TBX4: variants seen among roughly 807,000 people sequenced by gnomAD.
TBX4 encodes T-box transcription factor 4, also known as T-box transcription factor TBX4.
In TBX4, 13 loss-of-function variants were observed where a neutral mutation model predicts 54.6. That is an observed-to-expected ratio of 0.24 (90% CI 0.15 to 0.38). TBX4 has a LOEUF of 0.38. Ranked by LOEUF, TBX4 falls within the 10% of genes least tolerant of loss-of-function variation. The probability of loss-of-function intolerance (pLI) is 1.00; values close to 1 mark genes in which losing one functional copy is unlikely to be tolerated. For missense variants in TBX4, 631 were observed against 728.5 expected (o/e 0.87, Z 1.54); for synonymous variants, 314 against 306.7 (o/e 1.02, Z -0.25).
At chr17:61,466,411 C>T (rs1433712133) in intron 4 of TBX4, among the ~76,000 whole-genome samples, 3 of 152,192 alleles carry the variant, frequency 2.0e-5, no homozygotes, top group African/African-American at 7.2e-5. Flanking sequence ...CTCCAGCCAT[C>T]CAGACGAAGT....
chr17:61,478,815 T>A lies in TBX4; in HGVS notation c.702+36T>A, dbSNP rs372258409. On this transcript the variant is annotated intron_variant, in intron 6 of 8. Coordinates refer to ENST00000644296, the MANE Select transcript of TBX4 (RefSeq NM_001321120.2). The surrounding 1 kb of genome is among the most constrained non-coding windows in gnomAD (Gnocchi z 7.4). ...TGCCCCACTGCCCCACAGCCCCACT[T>A]AACACCACCCTGCGTTCTCTTCCAC... is the stretch of plus-strand genomic sequence containing the variant. 2 of 1,613,784 alleles carry A rather than the reference T, an allele frequency of 1.2e-6. No individual in the cohort carries two copies. The highest frequency in any genetic ancestry group is 2.7e-5 in the African/African-American group (2 of 74,842).
chr17:61,470,366 C>A (rs918021614), intron 5 of TBX4, among the ~76,000 whole-genome samples: 4 of 152,216 alleles, frequency 2.6e-5, no homozygotes, highest in Non-Finnish European at 4.4e-5. Flanking sequence ...TTCCTTTCTT[C>A]CATGAATGCT....
rs543614478 is a variant in TBX4 at position 61,475,079 on chromosome 17, A to G, written c.550-3548A>G. On this transcript the variant is annotated intron_variant, in intron 5 of 8. Transcript: ENST00000644296. The surrounding 1 kb of genome is among the most constrained non-coding windows in gnomAD (Gnocchi z 5.0). ...CGTCTGCACCCTTCTTGACTTCTCT[A>G]TGACCGGGGTTACCCTCACCTAGTG... Among the ~76,000 whole-genome samples, 120 of 152,322 alleles carry G rather than the reference A, an allele frequency of 7.9e-4. 1 individual carries two copies. The highest frequency in any genetic ancestry group is 2.8e-3 in the African/African-American group (117 of 41,570).
intron 1 of TBX4, among the ~76,000 whole-genome samples, chr17:61,454,861 C>G (rs1357122928): frequency 6.6e-6 from 1 of 152,256 alleles, no homozygotes; most frequent in African/African-American, 2.4e-5. Context: ...CCTTGCGACC[C>G]CGCAGGCCGC....
intron 5 of TBX4, among the ~76,000 whole-genome samples, chr17:61,470,876 C>G (rs2060572323): frequency 6.6e-6 from 1 of 152,234 alleles, no homozygotes; most frequent in African/African-American, 2.4e-5. Context: ...TTCCTCTTCT[C>G]CTCTTCTGAA....
Position 61,465,762 on chromosome 17 carries a change from T to A in TBX4, c.282-57T>A. 1 of 1,610,624 alleles carries A rather than the reference T, an allele frequency of 6.2e-7. No homozygotes were observed. Among genetic ancestry groups the A allele is most frequent in the Non-Finnish European group, 8.5e-7 (1 of 1,177,970 alleles). On this transcript the variant is annotated intron_variant, in intron 3 of 8. Transcript: ENST00000644296. The surrounding 1 kb of genome is among the most constrained non-coding windows in gnomAD (Gnocchi z 4.9). Reference sequence around the variant, plus strand: ...GCCTTCTGCCCCCTTGCTCACTCTGTTCCATCTCTCCTGGTGCTCTGTCCA... The same window carrying A: ...GCCTTCTGCCCCCTTGCTCACTCTGATCCATCTCTCCTGGTGCTCTGTCCA...
At chr17:61,468,535 T>TA (rs1460970683) in intron 5 of TBX4, among the ~76,000 whole-genome samples, 4 of 152,212 alleles carry the variant, frequency 2.6e-5, no homozygotes, top group African/African-American at 4.8e-5. Flanking sequence ...GTCCCGCTTT[T>TA]ACGTCCCAGC....
Position 61,483,787 on chromosome 17 carries a change from A to G in TBX4, c.*271A>G. ...GGACCTGGGTCTATTGTTATCTGAC[A>G]TCTCTTGACATGCCCGTGGGTGGGA... On this transcript the variant is annotated 3_prime_UTR_variant, in exon 9 of 9. Transcript: ENST00000644296. The surrounding 1 kb of genome is among the most constrained non-coding windows in gnomAD (Gnocchi z 6.6). The G allele has an allele frequency of 2.1e-6, 1 of 468,222 alleles. No homozygotes were observed. Among genetic ancestry groups the G allele is most frequent in the Non-Finnish European group, 4.0e-6 (1 of 252,876 alleles). 29.0% of individuals were successfully genotyped at this position (468,222 alleles called of 1,614,324 possible).
chr17:61,477,994 G>T (rs2060634304), intron 5 of TBX4, among the ~76,000 whole-genome samples: 1 of 147,946 alleles, frequency 6.8e-6, no homozygotes, highest in Non-Finnish European at 1.5e-5. Flanking sequence ...GGAAAGAAAA[G>T]AAATGCATGA....
At position 61,472,049 on chromosome 17, in the gene TBX4, T is replaced by A. The variant is rs919851477; in HGVS notation, c.549+4392T>A. On this transcript the variant is annotated intron_variant, in intron 5 of 8. Transcript: ENST00000644296. This position sits in a 1 kb window ranked among gnomAD's most constrained non-coding sequence, Gnocchi z 4.5. ...TGTGCCACCGCGCCCGGCCTGCAGC[T>A]GCATAGAATTTTATCAAAATGATTG... is the stretch of plus-strand genomic sequence containing the variant. Among the ~76,000 whole-genome samples the A allele has an allele frequency of 1.3e-5, 2 of 152,136 alleles. No homozygotes were observed. Among genetic ancestry groups the A allele is most frequent in the Non-Finnish European group, 2.9e-5 (2 of 68,022 alleles).
chr17:61,478,647 C>T lies in TBX4; in HGVS notation c.570C>T (p.His190=), dbSNP rs915473911. 5.0e-6 allele frequency: 8 copies of T among 1,614,118 alleles called. No homozygotes were observed. The African/African-American group carries it at 1.1e-4, about 22-fold the overall frequency. Residue 190 remains histidine (H), a synonymous_variant, in exon 6 of 9, where the codon CAC becomes CAT. Transcript: ENST00000644296. The surrounding 1 kb of genome is among the most constrained non-coding windows in gnomAD (Gnocchi z 7.4). ...TCCAGATCATCCTCAACTCTATGCA[C>T]AAGTACCAGCCGCGGCTCCACATCG... is the stretch of plus-strand genomic sequence containing the variant. ...PFGHIILNSM[H]KYQPRLHIVK...
intron 5 of TBX4, among the ~76,000 whole-genome samples, chr17:61,477,312 G>A (rs1158907124): frequency 2.0e-5 from 3 of 152,252 alleles, no homozygotes; most frequent in African/African-American, 4.8e-5. Context: ...AGCTGCTACC[G>A]TGGGGCGCAG....
At position 61,475,749 on chromosome 17, in the gene TBX4, T is replaced by A. The variant is rs900399127; in HGVS notation, c.550-2878T>A. Among the ~76,000 whole-genome samples, 1 of 152,114 alleles carries A rather than the reference T, an allele frequency of 6.6e-6. No homozygotes were observed. The highest frequency in any genetic ancestry group is 2.4e-5 in the African/African-American group (1 of 41,392). On this transcript the variant is annotated intron_variant, in intron 5 of 8. Coordinates refer to ENST00000644296, the MANE Select transcript of TBX4 (RefSeq NM_001321120.2). The surrounding 1 kb of genome is among the most constrained non-coding windows in gnomAD (Gnocchi z 5.0). ...ATGTGTCCTAGTGTCCTGCACAGCC[T>A]TCATGAGGTGCTGGTGCCTATGGCT...
In TBX4 at chr17:61,480,378, G is replaced by A. The variant is rs2060655461; in HGVS notation, c.1021+59G>A. ...TAAGAGGAGCGGTGAGGTTCTCCCC[G>A]AAACCACTCTGCAGCGCCCCCCCCC... is the stretch of plus-strand genomic sequence containing the variant. On this transcript the variant is annotated intron_variant, in intron 8 of 8. Coordinates refer to ENST00000644296, the MANE Select transcript of TBX4 (RefSeq NM_001321120.2). The surrounding 1 kb of genome is among the most constrained non-coding windows in gnomAD (Gnocchi z 6.2). 5.9e-6 allele frequency: 8 copies of A among 1,364,442 alleles called. No individual in the cohort carries two copies. The highest frequency in any genetic ancestry group is 3.9e-5 in the Admixed American group (2 of 50,988). The allele number at this position is 1,364,442 out of a possible 1,614,324, so 84.5% of individuals were successfully genotyped here.
intron 5 of TBX4, 124 bp downstream of exon 5, chr17:61,467,781 A>C: frequency 7.8e-7 from 1 of 1,280,206 alleles, no homozygotes; most frequent in Non-Finnish European, 1.1e-6. Flanking sequence ...GCGCTCACTG[A>C]CCAGTTTAGG....
Position 61,484,947 on chromosome 17 carries a change from T to TAAATAA in TBX4, c.*1432_*1433insAATAAA, listed in dbSNP as rs988029815. 6 of 37,086 alleles carry TAAATAA rather than the reference T, an allele frequency of 1.6e-4. No homozygotes were observed. The highest frequency in any genetic ancestry group is 6.3e-4 in the African/African-American group (6 of 9,594). The allele number at this position is 37,086 out of a possible 1,614,324, so 2.3% of individuals were successfully genotyped here. A position where few individuals can be genotyped will look rare whatever the true frequency, so the allele number is the denominator to read the frequency against. The stretch of plus-strand genomic sequence containing the variant: ...GGTTTAGATAAAACATATAAATAAA[T>TAAATAA]ATATATATATATATATATATATATA... On this transcript the variant is annotated 3_prime_UTR_variant, in exon 9 of 9. Transcript: ENST00000644296. This position sits in a 1 kb window ranked among gnomAD's most constrained non-coding sequence, Gnocchi z 4.1.
chr17:61,456,358 G>T (rs749406551), intron 1 of TBX4, 130 bp from the exon 2 acceptor site: 8 of 1,255,988 alleles, frequency 6.4e-6, no homozygotes, highest in Non-Finnish European at 9.0e-6. Context: ...GCTCAGGAGG[G>T]GGCGGGGTCC....
chr17:61,457,507 G>T lies in TBX4; in HGVS notation c.187-30G>T. The T allele has an allele frequency of 1.2e-6, 2 of 1,606,312 alleles. No individual in the cohort carries two copies. Among genetic ancestry groups the T allele is most frequent in the South Asian group, 2.2e-5 (2 of 90,896 alleles). ...TCCGCGTGGAGCCCTGGGCCTGGCA[G>T]ACACAAGTTTCTCTCCCTCCCATCC... is the stretch of plus-strand genomic sequence containing the variant. On this transcript the variant is annotated intron_variant, in intron 2 of 8. Coordinates refer to ENST00000644296, the MANE Select transcript of TBX4 (RefSeq NM_001321120.2). This position sits in a 1 kb window ranked among gnomAD's most constrained non-coding sequence, Gnocchi z 8.2.
chr17:61,465,815 C>T lies in TBX4; in HGVS notation c.282-4C>T. On this transcript the variant is annotated splice_region_variant and splice_polypyrimidine_tract_variant and intron_variant, in intron 3 of 8. Coordinates refer to ENST00000644296, the MANE Select transcript of TBX4 (RefSeq NM_001321120.2). The surrounding 1 kb of genome is among the most constrained non-coding windows in gnomAD (Gnocchi z 4.9). ...CGCTCCGCCTCACCCCTCGGCTCCC[C>T]CAGGAGGATGTTCCCCAGCTACAAG... 1 of 1,613,980 alleles carries T rather than the reference C, an allele frequency of 6.2e-7. No homozygotes were observed. Among genetic ancestry groups the T allele is most frequent in the Non-Finnish European group, 8.5e-7 (1 of 1,179,924 alleles).
Sources: allele counts gnomAD v4.1 joint callset (sites outside exome capture counted in the v4.1 genomes callset), GRCh38; gene constraint gnomAD v4.1.1; non-coding constraint Gnocchi (gnomAD v3.1); transcripts MANE v1.5; gene names NCBI Gene and HGNC (gene_info 2026-07-23, HGNC 2026-07-21).